The following DIAPH2 variants were observed in gnomAD, a reference collection of about 807,000 sequenced individuals.
DIAPH2 encodes protein diaphanous homolog 2.
Under a neutral mutation model 92.7 loss-of-function variants are expected in DIAPH2, and 35 were observed. The ratio of observed to expected loss-of-function variants is 0.38; its 90% CI spans 0.29 to 0.50. The LOEUF (loss-of-function observed/expected upper bound fraction) is 0.50, where lower values mean the gene tolerates loss of function less well. DIAPH2 is among the 20% of genes least tolerant of loss of function. The pLI, the probability that DIAPH2 is intolerant of heterozygous loss-of-function variation, is 0.94. For missense variants in DIAPH2, 701 were observed against 819.5 expected, an observed-to-expected ratio of 0.86 and a Z score of 1.77; for synonymous variants, 301 against 280.4, an observed-to-expected ratio of 1.07 and a Z score of -0.73.
At chrX:97,122,080 A>T (rs914285006) in intron 21 of DIAPH2, among the ~76,000 whole-genome samples, 1 of 111,963 alleles carries the variant, frequency 8.9e-6, no homozygotes, top group African/African-American at 3.2e-5. Context: ...ATTGCATTGT[A>T]ACAATGTTTG....
At chrX:97,465,136 C>T (rs951390643) in intron 26 of DIAPH2, among the ~76,000 whole-genome samples, 5 of 111,246 alleles carry the variant, frequency 4.5e-5, no homozygotes, top group Non-Finnish European at 7.5e-5. Flanking sequence ...CATGAGCCAC[C>T]GCGCCCGGCC....
chrX:97,115,621 G>A (rs2067011582), intron 21 of DIAPH2, among the ~76,000 whole-genome samples: 2 of 111,596 alleles, frequency 1.8e-5, no homozygotes, highest in Admixed American at 1.9e-4. Flanking sequence ...TATCTGACAA[G>A]CTAAATTTAA....
intron 17 of DIAPH2, among the ~76,000 whole-genome samples, chrX:96,996,825 A>T (rs1308078665): frequency 1.8e-5 from 2 of 112,181 alleles, no homozygotes; most frequent in Non-Finnish European, 3.8e-5. Flanking sequence ...ATTTCAGTGT[A>T]TTTTTGATAT....
At chrX:97,069,882 T>C (rs1377663937) in intron 17 of DIAPH2, among the ~76,000 whole-genome samples, 1 of 111,781 alleles carries the variant, frequency 8.9e-6, no homozygotes, top group African/African-American at 3.2e-5. Flanking sequence ...TATATTAAAT[T>C]GGGGAAAGAA....
chrX:97,527,589 T>C (rs1414456214), intron 26 of DIAPH2, among the ~76,000 whole-genome samples: 1 of 112,201 alleles, frequency 8.9e-6, no homozygotes, highest in Non-Finnish European at 1.9e-5. Flanking sequence ...GTGGTTGGGC[T>C]CCCCTAGGAT....
chrX:97,350,884 T>A (rs2069205897), intron 24 of DIAPH2, among the ~76,000 whole-genome samples: 1 of 112,402 alleles, frequency 8.9e-6, no homozygotes, highest in Admixed American at 9.4e-5. Flanking sequence ...TCATATATTG[T>A]CACTGAATGT....
At chrX:96,837,210 T>C (rs918785563) in intron 4 of DIAPH2, among the ~76,000 whole-genome samples, 1 of 111,328 alleles carries the variant, frequency 9.0e-6, no homozygotes, top group South Asian at 3.8e-4. Context: ...GGGTGTTTTA[T>C]TTTGTGAAAT....
intron 25 of DIAPH2, among the ~76,000 whole-genome samples, chrX:97,418,017 C>T (rs1401516289): frequency 9.0e-6 from 1 of 111,644 alleles, no homozygotes; most frequent in Non-Finnish European, 1.9e-5. Context: ...GACTCCTGGG[C>T]AAGGAGCATC....
At chrX:96,803,995 C>T (rs1459034463) in intron 4 of DIAPH2, among the ~76,000 whole-genome samples, 4 of 111,660 alleles carry the variant, frequency 3.6e-5, no homozygotes, top group African/African-American at 9.8e-5. Flanking sequence ...ACCGAGATTG[C>T]GCCACTGCAC....
intron 21 of DIAPH2, among the ~76,000 whole-genome samples, chrX:97,140,499 C>T (rs958340584): frequency 7.2e-5 from 8 of 111,501 alleles, no homozygotes; most frequent in African/African-American, 2.0e-4. Flanking sequence ...AAGTAATCCC[C>T]GAAATTTTGA....
intron 19 of DIAPH2, among the ~76,000 whole-genome samples, chrX:97,088,027 C>T (rs1466810796): frequency 8.9e-6 from 1 of 111,820 alleles, no homozygotes; most frequent in African/African-American, 3.2e-5. Flanking sequence ...TAGCACATCA[C>T]ATTACTTGAT....
intron 4 of DIAPH2, among the ~76,000 whole-genome samples, chrX:96,813,215 C>T (rs755778708): frequency 8.0e-4 from 89 of 111,096 alleles, no homozygotes; most frequent in African/African-American, 2.6e-3. Flanking sequence ...CTGTATTGGG[C>T]GCATATATAT....
chrX:97,147,232 A>G (rs1004824746), intron 22 of DIAPH2, among the ~76,000 whole-genome samples: 14 of 111,238 alleles, frequency 1.3e-4, no homozygotes, highest in African/African-American at 4.2e-4. Flanking sequence ...TCTGTGGGTC[A>G]TTTCATTCAA....
At chrX:96,796,714 C>G (rs2064542759) in intron 4 of DIAPH2, among the ~76,000 whole-genome samples, 1 of 111,779 alleles carries the variant, frequency 8.9e-6, no homozygotes, top group Admixed American at 9.5e-5. Flanking sequence ...CAATAGCATC[C>G]TTATGTTTGC....
chrX:96,935,442 A>G (rs1388718563), intron 10 of DIAPH2, among the ~76,000 whole-genome samples: 3 of 111,340 alleles, frequency 2.7e-5, no homozygotes, highest in Non-Finnish European at 3.8e-5. Context: ...AAAACCATAT[A>G]CAGTAGGTCC....
At chrX:97,148,903 A>C (rs2067265283) in intron 22 of DIAPH2, among the ~76,000 whole-genome samples, 1 of 111,337 alleles carries the variant, frequency 9.0e-6, no homozygotes, top group Non-Finnish European at 1.9e-5. Context: ...GGAAATGGTG[A>C]AATTGGAAAC....
At chrX:97,469,672 C>T in intron 26 of DIAPH2, 1 of 1,196,170 alleles carries the variant, frequency 8.4e-7, no homozygotes, top group South Asian at 1.8e-5. Context: ...TAATTTTTCT[C>T]TTTATTTCTT....
intron 1 of DIAPH2, among the ~76,000 whole-genome samples, chrX:96,732,654 C>T (rs753550039): frequency 3.0e-4 from 34 of 111,632 alleles, no homozygotes; most frequent in South Asian, 7.5e-4. Context: ...TATGTGCCTT[C>T]GGGTACTCTA....
intron 22 of DIAPH2, among the ~76,000 whole-genome samples, chrX:97,185,355 G>GTATATATATATGTATATATATA (rs1320825418): frequency 9.6e-5 from 1 of 10,371 alleles, no homozygotes; most frequent in Non-Finnish European, 1.3e-4. Context: ...ATATATATGT[G>GTATATATATATGTATATATATA]TGTATATATA....
Sources: allele counts gnomAD v4.1 joint callset (sites outside exome capture counted in the v4.1 genomes callset), GRCh38; gene constraint gnomAD v4.1.1; transcripts MANE v1.5; gene names NCBI Gene and HGNC (gene_info 2026-07-23, HGNC 2026-07-21).